RGS3: variants seen among roughly 807,000 people sequenced by gnomAD.
RGS3 encodes regulator of G protein signaling 3.
Under a neutral mutation model 132.6 loss-of-function variants are expected in RGS3, and 80 were observed. The ratio of observed to expected loss-of-function variants is 0.60; its 90% CI spans 0.50 to 0.73. The LOEUF (loss-of-function observed/expected upper bound fraction) is 0.73, where lower values mean the gene tolerates loss of function less well. RGS3 is among the 30% of genes least tolerant of loss of function. The pLI is 0.00. For missense variants in RGS3, 1,382 were observed against 1,530.8 expected (o/e 0.90, Z 1.62); for synonymous variants, 598 against 620.6 (o/e 0.96, Z 0.54).
intron 17 of RGS3, among the ~76,000 whole-genome samples, chr9:113,526,429 A>G (rs1453348368): frequency 6.6e-6 from 1 of 152,134 alleles, no homozygotes; most frequent in Non-Finnish European, 1.5e-5. Flanking sequence ...GTAACCGTGG[A>G]GGGGTAGAAG....
chr9:113,460,151 G>A (rs1240314402), upstream of RGS3: 1 of 1,065,786 alleles, frequency 9.4e-7, no homozygotes, highest in East Asian at 9.8e-5. Flanking sequence ...GAACTTTTCA[G>A]AGACAAGGCT....
At chr9:113,466,721 A>G (rs1160382094) in intron 3 of RGS3, among the ~76,000 whole-genome samples, 3 of 152,220 alleles carry the variant, frequency 2.0e-5, no homozygotes, top group African/African-American at 4.8e-5. Flanking sequence ...TTCTTGTAAC[A>G]GCTTTATTGA....
intron 3 of RGS3, among the ~76,000 whole-genome samples, chr9:113,471,220 T>A (rs1243223289): frequency 1.3e-5 from 2 of 151,924 alleles, no homozygotes; most frequent in East Asian, 3.9e-4. Context: ...AGGGTCCCTA[T>A]GCAAAAGGTG....
intron 17 of RGS3, among the ~76,000 whole-genome samples, chr9:113,526,140 A>T (rs112647695): frequency 0.039 from 6,003 of 152,270 alleles, 162 homozygotes; most frequent in South Asian, 0.1. Context: ...CGTCATGCCC[A>T]TAGTGTGTCT....
intron 14 of RGS3, among the ~76,000 whole-genome samples, chr9:113,509,792 C>T (rs952549008): frequency 3.3e-5 from 5 of 152,110 alleles, no homozygotes; most frequent in Non-Finnish European, 5.9e-5. Flanking sequence ...GGGTGTGAAG[C>T]GCTCCCATCA....
intron 20 of RGS3, among the ~76,000 whole-genome samples, chr9:113,585,935 C>T (rs1409065126): frequency 2.0e-5 from 3 of 152,176 alleles, no homozygotes; most frequent in South Asian, 2.1e-4. Flanking sequence ...ACTAAATCTC[C>T]GTTTCCTCAT....
In RGS3 at chr9:113,565,865, TGA is replaced by T. The variant is rs1301891957; in HGVS notation, c.2038-17582_2038-17581del. 3 of 181,338 alleles carry T rather than the reference TGA, an allele frequency of 1.7e-5. No homozygotes were observed. The highest frequency in any genetic ancestry group is 7.4e-5 in the African/African-American group (3 of 40,508). 11.2% of individuals were successfully genotyped at this position (181,338 alleles called of 1,614,324 possible). Reference sequence around the variant, plus strand: ...CAACCAAACCATTTGTGCTCTGTTCTGAGATAGCTCTGTGTGTGTGTGTGTGT... The same window carrying T: ...CAACCAAACCATTTGTGCTCTGTTCTGATAGCTCTGTGTGTGTGTGTGTGT... On this transcript the variant is annotated intron_variant, in intron 19 of 24. Transcript: ENST00000350696. This position sits in a 1 kb window ranked among gnomAD's most constrained non-coding sequence, Gnocchi z 5.7.
intron 10 of RGS3, among the ~76,000 whole-genome samples, chr9:113,504,224 C>T (rs1831033658): frequency 1.3e-5 from 2 of 152,184 alleles, no homozygotes; most frequent in African/African-American, 4.8e-5. Flanking sequence ...ACAGAAGTCT[C>T]CTGACAAGGC....
exon 17 of RGS3, chr9:113,523,007 C>G: frequency 6.2e-7 from 1 of 1,613,842 alleles, no homozygotes. Flanking sequence ...TCCTGAGGAA[C>G]CCCCTCTACC....
At chr9:113,494,313 A>G (rs1401318795) in intron 7 of RGS3, among the ~76,000 whole-genome samples, 1 of 152,226 alleles carries the variant, frequency 6.6e-6, no homozygotes, top group East Asian at 1.9e-4. Flanking sequence ...CCTACCAGAT[A>G]TGACCATTGT....
intron 14 of RGS3, 67 bp from the exon 13 acceptor site, chr9:113,514,391 T>G (rs1475792090): frequency 1.4e-6 from 2 of 1,429,792 alleles, no homozygotes; most frequent in Non-Finnish European, 1.9e-6. Flanking sequence ...GTCCCCTGTT[T>G]CTACAGAGGG....
Position 113,589,132 on chromosome 9 carries a change from A to T in RGS3, c.3016-2201A>T, listed in dbSNP as rs1835280861. Reference sequence around the variant, plus strand: ...CTGCTTTTCAGCTGGACAAGGTCACATAGTGAGACAGTGGGGAGAAGATGG... The same window carrying T: ...CTGCTTTTCAGCTGGACAAGGTCACTTAGTGAGACAGTGGGGAGAAGATGG... On this transcript the variant is annotated intron_variant, in intron 20 of 24. Coordinates refer to ENST00000350696, the Ensembl canonical transcript of RGS3. The T allele has an allele frequency of 1.3e-5, 2 of 152,426 alleles. 1 individual carries two copies. The highest frequency in any genetic ancestry group is 6.8e-3 in the Middle Eastern group (2 of 294). 9.4% of individuals were successfully genotyped at this position (152,426 alleles called of 1,614,324 possible). A position where few individuals can be genotyped will look rare whatever the true frequency, so the allele number is the denominator to read the frequency against.
At chr9:113,468,051 A>G (rs931208768) in intron 3 of RGS3, among the ~76,000 whole-genome samples, 5 of 152,214 alleles carry the variant, frequency 3.3e-5, no homozygotes, top group African/African-American at 9.6e-5. Flanking sequence ...TTTAATTTTG[A>G]TGAAGTTCAA....
chr9:113,514,939 C>T (rs1320133341), intron 15 of RGS3, among the ~76,000 whole-genome samples: 1 of 152,102 alleles, frequency 6.6e-6, no homozygotes, highest in African/African-American at 2.4e-5. Flanking sequence ...CAGGTGCACC[C>T]CAGCTGCTTG....
In RGS3 at chr9:113,591,880, T is replaced by A. The variant is rs1835448037; in HGVS notation, c.3080+483T>A. Reference sequence around the variant, plus strand: ...GCCGAATCCCGCACTCGCCAAGCCTTTCTGGCCACACTCAGGCCTTCTTAT... The same window carrying A: ...GCCGAATCCCGCACTCGCCAAGCCTATCTGGCCACACTCAGGCCTTCTTAT... On this transcript the variant is annotated intron_variant, in intron 21 of 24. Transcript: ENST00000350696. This position sits in a 1 kb window ranked among gnomAD's most constrained non-coding sequence, Gnocchi z 4.4. 1.1e-4 allele frequency: 18 copies of A among 170,042 alleles called. No homozygotes were observed. The highest frequency in any genetic ancestry group is 2.9e-4 in the South Asian group (2 of 7,012). 10.5% of individuals were successfully genotyped at this position (170,042 alleles called of 1,614,324 possible). A position where few individuals can be genotyped will look rare whatever the true frequency, so the allele number is the denominator to read the frequency against.
intron 16 of RGS3, among the ~76,000 whole-genome samples, chr9:113,521,759 C>G (rs1163008749): frequency 6.6e-6 from 1 of 152,168 alleles, no homozygotes; most frequent in Non-Finnish European, 1.5e-5. Flanking sequence ...GATAGAGTCT[C>G]AGAAGTGAGG....
In RGS3 at chr9:113,569,378, C is replaced by T. The variant is rs565207392; in HGVS notation, c.2038-14072C>T. 7.2e-5 allele frequency among the ~76,000 whole-genome samples: 11 copies of T among 152,140 alleles called. No individual in the cohort carries two copies. The East Asian group carries it at 1.2e-3, about 16-fold the overall frequency. On this transcript the variant is annotated intron_variant, in intron 19 of 24. Transcript: ENST00000350696. ...GCTGGCAGGAACCTTGACAGCAGGC[C>T]GAAGGCAGCCAGGAGAAGGACTGTG...
chr9:113,500,976 C>T (rs1057248358), intron 10 of RGS3, among the ~76,000 whole-genome samples: 4 of 152,184 alleles, frequency 2.6e-5, no homozygotes, highest in African/African-American at 9.7e-5. Flanking sequence ...AGGCATGAGC[C>T]ACCACGCCTG....
chr9:113,594,803 C>A, intron 22 of RGS3, 116 bp from the exon 21 acceptor site: 1 of 1,021,266 alleles, frequency 9.8e-7, no homozygotes, highest in Admixed American at 2.1e-5. Context: ...GGCGCCCCAG[C>A]TGGGCTCAGC....
Sources: gnomAD v4.1 joint callset for allele counts (sites outside exome capture counted in the v4.1 genomes callset) on GRCh38, gnomAD v4.1.1 for gene constraint, Gnocchi (gnomAD v3.1) non-coding constraint, MANE v1.5 for transcripts, NCBI Gene and HGNC (gene_info 2026-07-23, HGNC 2026-07-21) for gene names.